Variants in SYNPR observed in about 807,000 individuals in gnomAD.
SYNPR encodes synaptoporin.
In SYNPR, 23 loss-of-function variants were observed where a neutral mutation model predicts 32.9. The observed-to-expected ratio is 0.70, with a 90% CI of 0.50 to 0.99. The LOEUF (loss-of-function observed/expected upper bound fraction) is 0.99. Ranked by LOEUF, SYNPR falls within the 50% of genes least tolerant of loss-of-function variation. The probability of loss-of-function intolerance (pLI) is 0.00; values close to 1 mark genes in which losing one functional copy is unlikely to be tolerated. For synonymous variants in SYNPR, 146 were observed against 135.9 expected (o/e 1.07, Z -0.52); for missense variants, 318 against 349.3 (o/e 0.91, Z 0.71).
chr3:63,532,308 C>A (rs113991243), intron 3 of SYNPR, among the ~76,000 whole-genome samples: 48 of 152,294 alleles, frequency 3.2e-4, no homozygotes, highest in African/African-American at 1.1e-3. Context: ...AACAGTTCTT[C>A]CTAATGTCTT....
chr3:63,584,175 C>G (rs1330028638), intron 4 of SYNPR, among the ~76,000 whole-genome samples: 1 of 152,168 alleles, frequency 6.6e-6, no homozygotes, highest in East Asian at 1.9e-4. Flanking sequence ...CCTTGGCCGG[C>G]AGGAGAGCAG....
At chr3:63,599,968 C>T (rs1247832750) in intron 4 of SYNPR, among the ~76,000 whole-genome samples, 1 of 152,054 alleles carries the variant, frequency 6.6e-6, no homozygotes, top group Non-Finnish European at 1.5e-5. Context: ...TTAGGTAGTA[C>T]CAAACTGACT....
At chr3:63,452,224 A>T (rs1700392134) in intron 2 of SYNPR, 1 of 571,182 alleles carries the variant, frequency 1.8e-6, no homozygotes, top group Non-Finnish European at 3.2e-6. Flanking sequence ...AAGATTTGGG[A>T]TACGGAGGTA....
chr3:63,481,677 G>T (rs1017149671), intron 3 of SYNPR, among the ~76,000 whole-genome samples: 1 of 152,132 alleles, frequency 6.6e-6, no homozygotes, highest in South Asian at 2.1e-4. Flanking sequence ...TATTAAGCAC[G>T]TAATCCCTGA....
At chr3:63,225,161 T>A (rs1461402437), upstream of SYNPR, among the ~76,000 whole-genome samples, 1 of 152,190 alleles carries the variant, frequency 6.6e-6, no homozygotes, top group Non-Finnish European at 1.5e-5. Context: ...TGTTCCCAAG[T>A]GTGTCACAGG....
At chr3:63,207,637 A>G in the SYNPR span, among the ~76,000 whole-genome samples, 4 of 152,200 alleles carry the variant, frequency 2.6e-5, no homozygotes, top group African/African-American at 7.2e-5. Context: ...ATGAGGCTCT[A>G]CAAGGAACAG....
chr3:63,534,583 G>A (rs1324349609), intron 3 of SYNPR, among the ~76,000 whole-genome samples: 2 of 152,150 alleles, frequency 1.3e-5, no homozygotes, highest in African/African-American at 4.8e-5. Context: ...GAACCTGTCA[G>A]TACAGTTAGT....
At chr3:63,416,740 G>T (rs148470651) in intron 2 of SYNPR, among the ~76,000 whole-genome samples, 1 of 152,010 alleles carries the variant, frequency 6.6e-6, no homozygotes, top group Admixed American at 6.5e-5. Flanking sequence ...GACATCTTAC[G>T]TGGATGGCAG....
intron 3 of SYNPR, among the ~76,000 whole-genome samples, chr3:63,493,199 T>A (rs1214738560): frequency 1.3e-5 from 2 of 152,014 alleles, no homozygotes. Flanking sequence ...CCCCAGCCCA[T>A]CCCCAATAGA....
chr3:63,422,973 A>C (rs1699826017), intron 2 of SYNPR, among the ~76,000 whole-genome samples: 1 of 152,242 alleles, frequency 6.6e-6, no homozygotes, highest in South Asian at 2.1e-4. Flanking sequence ...AAATGAATAA[A>C]GTGGTCTTTA....
intron 3 of SYNPR, among the ~76,000 whole-genome samples, chr3:63,494,433 AC>A (rs1701323826): frequency 7.8e-6 from 1 of 129,022 alleles, no homozygotes; most frequent in African/African-American, 3.3e-5. Flanking sequence ...ATATATATAT[AC>A]GTATATATAT....
intron 2 of SYNPR, among the ~76,000 whole-genome samples, chr3:63,410,291 G>T (rs567243767): frequency 6.6e-6 from 1 of 152,258 alleles, no homozygotes; most frequent in African/African-American, 2.4e-5. Context: ...TTAAATGATG[G>T]AGTTGAGTTT....
At chr3:63,499,539 T>C (rs184855634) in intron 3 of SYNPR, among the ~76,000 whole-genome samples, 121 of 152,096 alleles carry the variant, frequency 8.0e-4, no homozygotes, top group Admixed American at 1.6e-3. Context: ...GAACTCTATA[T>C]AAGCCAAAAT....
intron 2 of SYNPR, among the ~76,000 whole-genome samples, chr3:63,353,763 G>A (rs1012258837): frequency 6.6e-6 from 1 of 152,184 alleles, no homozygotes; most frequent in African/African-American, 2.4e-5. Flanking sequence ...TGTTAGGAGT[G>A]ATGATATGAT....
chr3:63,303,759 A>T (rs898753324), intron 2 of SYNPR, among the ~76,000 whole-genome samples: 11 of 151,998 alleles, frequency 7.2e-5, no homozygotes, highest in East Asian at 5.8e-4. Context: ...CCCCCTTTTT[A>T]AAAAAAATTT....
At chr3:63,310,342 T>G (rs1045311548) in intron 2 of SYNPR, among the ~76,000 whole-genome samples, 19 of 152,162 alleles carry the variant, frequency 1.2e-4, no homozygotes, top group Admixed American at 8.5e-4. Context: ...CTTACATGAT[T>G]GAGAAGTCCA....
At chr3:63,536,550 A>T (rs1043207986) in intron 3 of SYNPR, among the ~76,000 whole-genome samples, 2 of 152,194 alleles carry the variant, frequency 1.3e-5, no homozygotes, top group African/African-American at 4.8e-5. Context: ...ACAGTTTGGC[A>T]GTTCCTCCAA....
At chr3:63,599,342 C>A (rs1410483478) in intron 4 of SYNPR, among the ~76,000 whole-genome samples, 1 of 152,088 alleles carries the variant, frequency 6.6e-6, no homozygotes, top group African/African-American at 2.4e-5. Context: ...GTGCTGCAAG[C>A]TCCGTTCATG....
intron 2 of SYNPR, among the ~76,000 whole-genome samples, chr3:63,261,986 C>G (rs1160308631): frequency 2.0e-5 from 3 of 151,544 alleles, no homozygotes; most frequent in African/African-American, 7.3e-5. Context: ...ATGTAACAAA[C>G]TTGCACGTTG....
Sources: gnomAD v4.1 joint callset for allele counts (sites outside exome capture counted in the v4.1 genomes callset) on GRCh38, gnomAD v4.1.1 for gene constraint, MANE v1.5 for transcripts, NCBI Gene and HGNC (gene_info 2026-07-23, HGNC 2026-07-21) for gene names.